The following TRMO variants were observed in gnomAD, a reference collection of about 807,000 sequenced individuals.
The protein encoded by TRMO is tRNA methyltransferase O.
In TRMO, 30 loss-of-function variants were observed where a neutral mutation model predicts 37.2. The ratio of observed to expected loss-of-function variants is 0.81; its 90% CI spans 0.60 to 1.09. The LOEUF (loss-of-function observed/expected upper bound fraction) is 1.09. Ranked by LOEUF, TRMO falls within the 50% of genes least tolerant of loss-of-function variation. TRMO has a pLI of 0.00. For synonymous variants in TRMO, 239 were observed against 199.4 expected, an observed-to-expected ratio of 1.20 and a Z score of -1.67; for missense variants, 552 against 549.5, an observed-to-expected ratio of 1.00 and a Z score of -0.05.
intron 2 of TRMO, among the ~76,000 whole-genome samples, chr9:97,914,614 C>T (rs1327665844): frequency 3.3e-5 from 5 of 151,878 alleles, no homozygotes; most frequent in Non-Finnish European, 4.4e-5. Context: ...AACAACATAG[C>T]CCTCCATTAA....
intron 4 of TRMO, among the ~76,000 whole-genome samples, chr9:97,905,331 T>C (rs1429984241): frequency 6.6e-6 from 1 of 152,208 alleles, no homozygotes. Context: ...ATGTAGACTT[T>C]AATTCCTTGT....
intron 4 of TRMO, among the ~76,000 whole-genome samples, chr9:97,906,855 A>AAAG (rs1825877490): frequency 1.6e-5 from 2 of 123,064 alleles, no homozygotes; most frequent in South Asian, 2.6e-4. Context: ...AAAAAAAAAA[A>AAAG]AAAGAAAGAA....
At chr9:97,908,360 C>T (rs967742089) in intron 4 of TRMO, among the ~76,000 whole-genome samples, 6 of 147,560 alleles carry the variant, frequency 4.1e-5, no homozygotes, top group Middle Eastern at 7.4e-3. Flanking sequence ...TGCAGTGAGC[C>T]GAGATCGAGC....
At chr9:97,921,572 A>G (rs1168851608) in intron 1 of TRMO, among the ~76,000 whole-genome samples, 2 of 151,900 alleles carry the variant, frequency 1.3e-5, no homozygotes, top group African/African-American at 2.4e-5. Flanking sequence ...ACAGGAGCCC[A>G]CCACCACGCC....
intron 1 of TRMO, among the ~76,000 whole-genome samples, chr9:97,917,874 G>GT (rs1186278516): frequency 1.3e-5 from 2 of 148,572 alleles, no homozygotes; most frequent in African/African-American, 5.0e-5. Flanking sequence ...TAGAGAAGGG[G>GT]TTTTACCATG....
At chr9:97,898,999 C>G in the TRMO span, among the ~76,000 whole-genome samples, 1 of 151,524 alleles carries the variant, frequency 6.6e-6, no homozygotes, top group African/African-American at 2.4e-5. Flanking sequence ...GTCACCACAC[C>G]CGGCTAATTT....
At position 97,913,408 on chromosome 9, in the gene TRMO, C is replaced by A. The variant is rs769631848; in HGVS notation, c.402G>T (p.Lys134Asn). ...AGAAATGAAATGGGTTACCTTCTAC[C>A]TTTTCCAGCTTGGCCAGGGTCAGTC... ...AIGLTLAKLE[K>N]VEGGAIYLSG... Residue 134 changes from lysine to asparagine, a missense_variant, in exon 3 of 5, where the codon AAG becomes AAT. Physicochemically the swap from Lys to Asn is moderately conservative, Grantham distance 94 (BLOSUM62 0). Coordinates refer to ENST00000375119, the MANE Select transcript of TRMO (RefSeq NM_016481.5). 5 of 1,613,850 alleles carry A rather than the reference C, an allele frequency of 3.1e-6. No homozygotes were observed. The highest frequency in any genetic ancestry group is 4.2e-6 in the Non-Finnish European group (5 of 1,179,934).
Position 97,904,934 on chromosome 9 carries a change from A to T in TRMO, c.1125T>A (p.Ile375=). 1 of 1,614,210 alleles carries T rather than the reference A, an allele frequency of 6.2e-7. No homozygotes were observed. Among genetic ancestry groups the T allele is most frequent in the Non-Finnish European group, 8.5e-7 (1 of 1,180,022 alleles). The part of the protein sequence containing the change: ...FQSAEEAKRA[I]EAVLSADPRS... Reference sequence around the variant, plus strand: ...GAGGATCCGCTGACAGCACAGCCTCAATGGCACGCTTTGCTTCCTCTGCTG... The same window carrying T: ...GAGGATCCGCTGACAGCACAGCCTCTATGGCACGCTTTGCTTCCTCTGCTG... The change falls in exon 5 of 5, where the codon ATT becomes ATA. Residue 375 remains isoleucine, a synonymous_variant. Transcript: ENST00000375119.
At chr9:97,905,534 G>C (rs1825819464) in intron 4 of TRMO, among the ~76,000 whole-genome samples, 1 of 152,090 alleles carries the variant, frequency 6.6e-6, no homozygotes, top group African/African-American at 2.4e-5. Context: ...TCTCACATCT[G>C]TGTCCCTAAG....
At chr9:97,908,262 A>T (rs1039408510) in intron 4 of TRMO, among the ~76,000 whole-genome samples, 6 of 152,092 alleles carry the variant, frequency 3.9e-5, no homozygotes, top group Non-Finnish European at 8.8e-5. Flanking sequence ...AATACAAAAA[A>T]TTAGCTGGGT....
intron 1 of TRMO, among the ~76,000 whole-genome samples, chr9:97,921,158 C>T (rs1367715833): frequency 2.0e-5 from 3 of 152,228 alleles, no homozygotes; most frequent in Admixed American, 2.0e-4. Context: ...TTAGAATGTA[C>T]ACAAACATTT....
intron 2 of TRMO, 143 bp from the exon 3 acceptor site, chr9:97,913,701 T>C: frequency 1.6e-6 from 1 of 606,842 alleles, no homozygotes; most frequent in Non-Finnish European, 2.9e-6. Context: ...TGTCATCTGG[T>C]AGGAAGAAAA....
In TRMO at chr9:97,910,133, A is replaced by C. The variant is rs755515137; in HGVS notation, c.893T>G (p.Leu298Trp). The change falls in exon 4 of 5, where the codon TTG (leucine) becomes TGG (tryptophan). Residue 298 changes from leucine (L) to tryptophan (W), a missense_variant. Leu to Trp is a moderately conservative substitution (Grantham distance 61). Transcript: ENST00000375119. ...CTGTGTCTCTGCCCTGCTTCCTTGC[A>C]AGACTGCTGCTCCTTCCACTCTTTC... is the stretch of plus-strand genomic sequence containing the variant. ...KLERVEGAAVLQGSRAETQPM... is the reference protein window; with the variant it reads ...KLERVEGAAVWQGSRAETQPM... 4 of 1,614,118 alleles carry C rather than the reference A, an allele frequency of 2.5e-6. No homozygotes were observed. Among genetic ancestry groups the C allele is most frequent in the Non-Finnish European group, 3.4e-6 (4 of 1,180,004 alleles).
rs1316404794 is a variant in TRMO, at chr9:97,922,282, C to A, written c.76+136G>T. On this transcript the variant is annotated intron_variant, in intron 1 of 4. Transcript: ENST00000375119. ...ATCACGTGGTCTCCGCAGCACGTGACCCGTGCCTTCGCCGTAGGTAAAAGA... is the reference window on the plus strand; with the variant it reads ...ATCACGTGGTCTCCGCAGCACGTGAACCGTGCCTTCGCCGTAGGTAAAAGA... The A allele has an allele frequency of 9.2e-6, 6 of 652,790 alleles. No homozygotes were observed. The East Asian group carries it at 1.7e-4, about 18-fold the overall frequency. 40.4% of individuals were successfully genotyped at this position (652,790 alleles called of 1,614,324 possible).
intron 4 of TRMO, among the ~76,000 whole-genome samples, chr9:97,907,120 C>A (rs1825888303): frequency 6.6e-6 from 1 of 152,128 alleles, no homozygotes; most frequent in South Asian, 2.1e-4. Flanking sequence ...GCCTTAGGAG[C>A]CAAAGAGAAG....
downstream of TRMO, among the ~76,000 whole-genome samples, chr9:97,902,602 T>A (rs1261261435): frequency 6.6e-6 from 1 of 152,134 alleles, no homozygotes; most frequent in East Asian, 1.9e-4. Flanking sequence ...GCGCCCAGCC[T>A]AAAATCCTTC....
Position 97,922,423 on chromosome 9 carries a change from TC to T in TRMO, c.70del (p.Glu24ArgfsTer6). 6.3e-7 allele frequency: 1 copy of T among 1,580,754 alleles called. No homozygotes were observed. The highest frequency in any genetic ancestry group is 8.6e-7 in the Non-Finnish European group (1 of 1,162,856). ...TPCGCVKPAL[E>X]TGNLLTEPVG... is the part of the protein sequence containing the mutation. ...CCGCCGGTGTTGGAAGTTACCTGTC[TC>T]CAGAGCCGGCTTAACGCAGCCGCAC... is the stretch of plus-strand genomic sequence containing the variant. On this transcript the variant is annotated frameshift_variant, in exon 1 of 5. Transcript: ENST00000375119. LOFTEE classifies it high-confidence loss of function.
At chr9:97,898,464 T>C in the TRMO span, among the ~76,000 whole-genome samples, 14,506 of 152,078 alleles carry the variant, frequency 0.095, 835 homozygotes, top group South Asian at 0.13. Context: ...CCCACCCCAC[T>C]GAGTAGCTGG....
In TRMO at chr9:97,913,452, G is replaced by A; in HGVS notation, c.358C>T (p.His120Tyr). The A allele has an allele frequency of 1.2e-6, 2 of 1,613,940 alleles. No homozygotes were observed. The highest frequency in any genetic ancestry group is 1.7e-6 in the Non-Finnish European group (2 of 1,179,874). Residue 120 changes from histidine (H) to tyrosine (Y), a missense_variant, in exon 3 of 5, where the codon CAT becomes TAT. His to Tyr is a moderately conservative substitution (Grantham distance 83). Coordinates refer to ENST00000375119, the MANE Select transcript of TRMO (RefSeq NM_016481.5). ...GTCAGTCCTATTGCATTGGGACGAT[G>A]AGGGCTCCTTGTGGAAAAAACTCCA... Reference protein sequence around the residue: ...KTGVFSTRSPHRPNAIGLTLA... With the variant: ...KTGVFSTRSPYRPNAIGLTLA...
Sources: gnomAD v4.1 joint callset for allele counts (sites outside exome capture counted in the v4.1 genomes callset) on GRCh38, gnomAD v4.1.1 for gene constraint, MANE v1.5 for transcripts, NCBI Gene and HGNC (gene_info 2026-07-23, HGNC 2026-07-21) for gene names.